The following FGGY variants were observed in gnomAD, a reference collection of about 807,000 sequenced individuals.
FGGY encodes FGGY carbohydrate kinase domain-containing protein.
FGGY carries 72 observed loss-of-function variants against 71.3 expected under a neutral mutation model. The observed-to-expected ratio is 1.01, with a 90% CI of 0.84 to 1.23. The LOEUF (loss-of-function observed/expected upper bound fraction) is 1.23. FGGY is among the 50% of genes most tolerant of loss of function. The pLI is 0.00. For synonymous variants in FGGY, 251 were observed against 250.3 expected, an observed-to-expected ratio of 1.00 and a Z score of -0.02; for missense variants, 668 against 682.3, an observed-to-expected ratio of 0.98 and a Z score of 0.23.
intron 14 of FGGY, among the ~76,000 whole-genome samples, chr1:59,733,463 T>TTTTC (rs1553437747): frequency 7.6e-6 from 1 of 131,052 alleles, no homozygotes; most frequent in Non-Finnish European, 1.7e-5. Flanking sequence ...TTTGTTTTGT[T>TTTTC]TTTTTGTTTT....
intron 10 of FGGY, among the ~76,000 whole-genome samples, chr1:59,629,470 G>C (rs1047040115): frequency 2.6e-5 from 4 of 152,116 alleles, no homozygotes; most frequent in African/African-American, 9.7e-5. Context: ...ATTGCAATTA[G>C]TCATTAATTA....
chr1:59,697,125 T>C (rs556362861), intron 14 of FGGY, among the ~76,000 whole-genome samples: 54 of 152,322 alleles, frequency 3.5e-4, no homozygotes, highest in African/African-American at 1.1e-3. Context: ...CAAGAGAACA[T>C]TGTACATAAT....
intron 7 of FGGY, among the ~76,000 whole-genome samples, chr1:59,552,591 G>A (rs2095625225): frequency 6.6e-6 from 1 of 152,108 alleles, no homozygotes. Flanking sequence ...AGTATCTGGG[G>A]ATTTGTGGTC....
intron 2 of FGGY, among the ~76,000 whole-genome samples, chr1:59,333,635 A>G (rs1482516187): frequency 1.3e-5 from 2 of 152,228 alleles, no homozygotes; most frequent in Non-Finnish European, 2.9e-5. Context: ...TCCAGGCAGA[A>G]ATAGCCATAC....
chr1:59,398,112 G>A lies in FGGY; in HGVS notation c.554+19275G>A, dbSNP rs137872984. Among the ~76,000 whole-genome samples the A allele has an allele frequency of 4.1e-3, 627 of 152,196 alleles. 2 individuals carry two copies. The highest frequency in any genetic ancestry group is 6.6e-3 in the Non-Finnish European group (452 of 68,006). On this transcript the variant is annotated intron_variant, in intron 5 of 15. Transcript: ENST00000303721. ...ATTATAGATGGGTTGAGTCTGTGAG[G>A]CCTCAACTTACATGATGATCCTGTG...
intron 7 of FGGY, among the ~76,000 whole-genome samples, chr1:59,550,415 C>T (rs180888949): frequency 2.1e-3 from 327 of 152,200 alleles, no homozygotes; most frequent in African/African-American, 7.6e-3. Flanking sequence ...CTCTCCGACT[C>T]ATGTGGTCTT....
At chr1:59,321,785 A>G (rs747251682) in intron 2 of FGGY, 35 bp downstream of exon 2, 1 of 1,581,292 alleles carries the variant, frequency 6.3e-7, no homozygotes, top group South Asian at 1.1e-5. Context: ...CCTTGTTCAT[A>G]TTCCTACCTG....
At chr1:59,651,132 C>T (rs1056943283) in intron 11 of FGGY, among the ~76,000 whole-genome samples, 6 of 151,506 alleles carry the variant, frequency 4.0e-5, no homozygotes, top group Admixed American at 1.3e-4. Flanking sequence ...GTTATAATTT[C>T]TGTTCTTTTA....
At chr1:59,650,228 T>C (rs2097143578) in intron 11 of FGGY, among the ~76,000 whole-genome samples, 1 of 146,658 alleles carries the variant, frequency 6.8e-6, no homozygotes, top group South Asian at 2.1e-4. Context: ...TTGTTGTGTC[T>C]CTGCCAGGGT....
intron 14 of FGGY, among the ~76,000 whole-genome samples, chr1:59,713,178 C>G (rs146446111): frequency 1.9e-3 from 288 of 152,332 alleles, no homozygotes; most frequent in African/African-American, 6.6e-3. Context: ...CCCATTCCCA[C>G]AAGTTCTTCA....
chr1:59,675,734 C>T (rs114044953), intron 14 of FGGY, among the ~76,000 whole-genome samples: 138 of 152,262 alleles, frequency 9.1e-4, no homozygotes, highest in Middle Eastern at 3.4e-3. Flanking sequence ...GCCCTTCCTG[C>T]GGCAAATTAT....
At chr1:59,707,243 G>A (rs887763866) in intron 14 of FGGY, among the ~76,000 whole-genome samples, 2 of 152,224 alleles carry the variant, frequency 1.3e-5, no homozygotes, top group African/African-American at 2.4e-5. Flanking sequence ...GAAACTGCGA[G>A]CTGGAGAGGT....
intron 6 of FGGY, among the ~76,000 whole-genome samples, chr1:59,461,021 G>A (rs2092155193): frequency 6.6e-6 from 1 of 152,178 alleles, no homozygotes; most frequent in Admixed American, 6.5e-5. Flanking sequence ...TCCTCCAAAG[G>A]ATCACAATTC....
intron 11 of FGGY, among the ~76,000 whole-genome samples, chr1:59,647,457 T>A (rs1204251234): frequency 1.3e-5 from 2 of 152,174 alleles, no homozygotes; most frequent in Non-Finnish European, 2.9e-5. Context: ...TACACAAATC[T>A]AGTGGCTTAA....
At chr1:59,476,805 A>G (rs545424160) in intron 6 of FGGY, among the ~76,000 whole-genome samples, 49 of 152,370 alleles carry the variant, frequency 3.2e-4, no homozygotes, top group African/African-American at 1.1e-3. Flanking sequence ...TCAAGATGAC[A>G]GAAGAAAAGT....
chr1:59,656,104 T>G (rs1188338035), intron 11 of FGGY, among the ~76,000 whole-genome samples: 1 of 152,206 alleles, frequency 6.6e-6, no homozygotes, highest in Non-Finnish European at 1.5e-5. Context: ...AGCTTTCTCT[T>G]ATAGTTCTCT....
chr1:59,716,077 C>T (rs28442053), intron 14 of FGGY, among the ~76,000 whole-genome samples: 25,037 of 151,992 alleles, frequency 0.16, 2,238 homozygotes, highest in East Asian at 0.33. Context: ...AGGAAATAAG[C>T]CAAAGGTATT....
At chr1:59,571,313 A>G (rs919690364) in intron 8 of FGGY, among the ~76,000 whole-genome samples, 1 of 152,234 alleles carries the variant, frequency 6.6e-6, no homozygotes, top group Non-Finnish European at 1.5e-5. Flanking sequence ...AGACTGCTTT[A>G]TTTTATGTAG....
rs538991453 is a variant in FGGY, at chr1:59,378,624, C to A, written c.466-125C>A. On this transcript the variant is annotated intron_variant, in intron 4 of 15. Coordinates refer to ENST00000303721, the MANE Select transcript of FGGY (RefSeq NM_018291.5). Reference sequence around the variant, plus strand: ...ATATTATTCCTACCCCCACCAAGCTCCTGAACAGATGTTTCAATGGGCATT... The same window carrying A: ...ATATTATTCCTACCCCCACCAAGCTACTGAACAGATGTTTCAATGGGCATT... 13 of 730,048 alleles carry A rather than the reference C, an allele frequency of 1.8e-5. No homozygotes were observed. The African/African-American group carries it at 2.3e-4, about 13-fold the overall frequency. 45.2% of individuals were successfully genotyped at this position (730,048 alleles called of 1,614,324 possible).
Sources: allele counts gnomAD v4.1 joint callset (sites outside exome capture counted in the v4.1 genomes callset), GRCh38; gene constraint gnomAD v4.1.1; transcripts MANE v1.5; gene names NCBI Gene and HGNC (gene_info 2026-07-23, HGNC 2026-07-21).